TRAF2: variants seen among roughly 807,000 people sequenced by gnomAD.
The protein encoded by TRAF2 is TNF receptor-associated factor 2.
In TRAF2, 6 loss-of-function variants were observed where a neutral mutation model predicts 55.6. The ratio of observed to expected loss-of-function variants is 0.11; its 90% CI spans 0.06 to 0.21. TRAF2 has a LOEUF of 0.21. Ranked by LOEUF, TRAF2 falls within the 10% of genes least tolerant of loss-of-function variation. The probability of loss-of-function intolerance (pLI) is 1.00; values close to 1 mark genes in which losing one functional copy is unlikely to be tolerated. For synonymous variants in TRAF2, 329 were observed against 276.3 expected, an observed-to-expected ratio of 1.19 and a Z score of -1.89; for missense variants, 561 against 684.5, an observed-to-expected ratio of 0.82 and a Z score of 2.01.
chr9:136,908,451 G>A (rs1385497987), intron 5 of TRAF2, among the ~76,000 whole-genome samples: 6 of 152,382 alleles, frequency 3.9e-5, no homozygotes, highest in Middle Eastern at 3.4e-3. Flanking sequence ...AGCCGGGCAC[G>A]GCGGCTCACG....
intron 4 of TRAF2, chr9:136,902,336 G>C (rs1032699082): frequency 6.6e-6 from 1 of 152,578 alleles, no homozygotes. Context: ...TGGCTGCAGG[G>C]AGTAGGGGTG....
intron 4 of TRAF2, among the ~76,000 whole-genome samples, chr9:136,906,356 C>T (rs1849951867): frequency 6.6e-6 from 1 of 152,072 alleles, no homozygotes; most frequent in South Asian, 2.1e-4. Flanking sequence ...GTTCCATGTG[C>T]CTGGGGAGGC....
chr9:136,925,546 T>C, intron 10 of TRAF2, 137 bp from the exon 11 acceptor site: 1 of 856,170 alleles, frequency 1.2e-6, no homozygotes, highest in Non-Finnish European at 1.8e-6. Flanking sequence ...CACCACGTGG[T>C]CTCGGCTGGG....
intron 10 of TRAF2, among the ~76,000 whole-genome samples, chr9:136,924,906 T>G (rs1237436810): frequency 6.6e-6 from 1 of 152,008 alleles, no homozygotes; most frequent in African/African-American, 2.4e-5. Context: ...GCCCAGCTAA[T>G]TTTTGTATTT....
chr9:136,900,388 G>A lies in TRAF2; in HGVS notation c.268-34G>A, dbSNP rs1213081499. On this transcript the variant is annotated intron_variant, in intron 3 of 10. Transcript: ENST00000247668. ...CTTGGTTGCTGCAGGGAGTCTGGGA[G>A]GAGGTTTAACCCGAGGGATATTCCT... 2.0e-6 allele frequency: 3 copies of A among 1,488,458 alleles called. No individual in the cohort carries two copies. In the Admixed American group the frequency reaches 5.8e-5, roughly 29 times the overall value. 92.2% of individuals were successfully genotyped at this position (1,488,458 alleles called of 1,614,324 possible). A position where few individuals can be genotyped will look rare whatever the true frequency, so the allele number is the denominator to read the frequency against.
At chr9:136,905,254 T>C (rs1479472037) in intron 4 of TRAF2, among the ~76,000 whole-genome samples, 1 of 152,204 alleles carries the variant, frequency 6.6e-6, no homozygotes, top group Non-Finnish European at 1.5e-5. Context: ...TCTCAGCACA[T>C]TGTCCTCCTC....
chr9:136,898,836 C>T lies in TRAF2; in HGVS notation c.96C>T (p.Tyr32=), dbSNP rs144753635. 1.2e-6 allele frequency: 2 copies of T among 1,613,742 alleles called. No individual in the cohort carries two copies. Among genetic ancestry groups the T allele is most frequent in the Admixed American group, 1.7e-5 (1 of 60,022 alleles). The change falls in exon 2 of 11, where the codon TAC becomes TAT. Residue 32 remains tyrosine, a synonymous_variant. Coordinates refer to ENST00000247668, the MANE Select transcript of TRAF2 (RefSeq NM_021138.4). ...TLLGTKLEAK[Y]LCSACRNVLR... ...TGGGGACCAAGCTGGAAGCCAAGTA[C>T]CTGTGCTCCGCCTGCAGAAACGTCC...
chr9:136,883,671 C>G (rs1346875119), upstream of TRAF2, among the ~76,000 whole-genome samples: 1 of 151,990 alleles, frequency 6.6e-6, no homozygotes, highest in Non-Finnish European at 1.5e-5. Context: ...CATCTGCCAC[C>G]ATGCCCAGCT....
At chr9:136,924,148 G>C (rs1850465075) in intron 10 of TRAF2, 148 bp downstream of exon 10, 6 of 970,778 alleles carry the variant, frequency 6.2e-6, no homozygotes, top group Non-Finnish European at 4.5e-6. Context: ...CTGTGATGCT[G>C]TGTCACGCGG....
At chr9:136,899,386 T>C (rs1414054802) in intron 2 of TRAF2, among the ~76,000 whole-genome samples, 1 of 152,182 alleles carries the variant, frequency 6.6e-6, no homozygotes, top group Non-Finnish European at 1.5e-5. Flanking sequence ...CAGGCGTGCC[T>C]TCCTCACAAA....
chr9:136,922,328 C>T (rs1338987997), intron 9 of TRAF2: 1 of 152,456 alleles, frequency 6.6e-6, no homozygotes, highest in African/African-American at 2.4e-5. Context: ...GGCCCTGTTC[C>T]TCCAGGGCTG....
At chr9:136,924,803 G>A (rs1259391595) in intron 10 of TRAF2, among the ~76,000 whole-genome samples, 1 of 151,916 alleles carries the variant, frequency 6.6e-6, no homozygotes, top group African/African-American at 2.4e-5. Context: ...GCAGTGGCAT[G>A]ATCTCGGCTC....
intron 1 of TRAF2, among the ~76,000 whole-genome samples, chr9:136,898,249 C>G (rs1436362017): frequency 6.6e-6 from 1 of 152,230 alleles, no homozygotes; most frequent in Admixed American, 6.5e-5. Context: ...GCAGGCGTCT[C>G]CTGCCCAGTG....
upstream of TRAF2, among the ~76,000 whole-genome samples, chr9:136,885,052 G>T (rs2131265582): frequency 6.6e-6 from 1 of 152,358 alleles, no homozygotes; most frequent in African/African-American, 2.4e-5. Flanking sequence ...TGATGACGTT[G>T]ATGGAATCCG....
intron 4 of TRAF2, among the ~76,000 whole-genome samples, chr9:136,903,651 C>T (rs1239982357): frequency 6.6e-6 from 1 of 151,794 alleles, no homozygotes; most frequent in Non-Finnish European, 1.5e-5. Flanking sequence ...ATTTCAAGTA[C>T]CGAGTGCCAA....
In TRAF2 at chr9:136,920,346, C is replaced by G. The variant is rs201857326; in HGVS notation, c.791C>G (p.Ala264Gly). The G allele has an allele frequency of 5.0e-6, 8 of 1,614,074 alleles. No homozygotes were observed. Among genetic ancestry groups the G allele is most frequent in the Non-Finnish European group, 6.8e-6 (8 of 1,180,040 alleles). ...AKPLLGDQSH[A>G]GSELLQRCES... The stretch of plus-strand genomic sequence containing the variant: ...CCCCTCTTGGGAGACCAGAGCCACG[C>G]GGGGTCAGAGCTCCTGCAGAGGTGC... The change falls in exon 8 of 11, where the codon GCG becomes GGG. Residue 264 changes from alanine (A) to glycine (G), a missense_variant. Around this residue, in one of 2 missense-constraint regions of TRAF2, gnomAD observed 426 missense variants for 476.8 expected, o/e 0.89. Coordinates refer to ENST00000247668, the MANE Select transcript of TRAF2 (RefSeq NM_021138.4).
rs1483441765 is a variant in TRAF2 at position 136,926,111 on chromosome 9, G to A, written c.*210G>A. The A allele has an allele frequency of 1.3e-6, 1 of 760,044 alleles. No individual in the cohort carries two copies. Among genetic ancestry groups the A allele is most frequent in the Non-Finnish European group, 2.4e-6 (1 of 424,582 alleles). 47.1% of individuals were successfully genotyped at this position (760,044 alleles called of 1,614,324 possible). A position where few individuals can be genotyped will look rare whatever the true frequency, so the allele number is the denominator to read the frequency against. On this transcript the variant is annotated 3_prime_UTR_variant, in exon 11 of 11. Coordinates refer to ENST00000247668, the MANE Select transcript of TRAF2 (RefSeq NM_021138.4). ...ATTTCAGAGACTGCGGAGGGGCTTGGCAGACGGTCTTAGCCAAGGGCTGTG... is the reference window on the plus strand; with the variant it reads ...ATTTCAGAGACTGCGGAGGGGCTTGACAGACGGTCTTAGCCAAGGGCTGTG...
chr9:136,907,981 C>A, intron 4 of TRAF2, 89 bp from the exon 5 acceptor site: 6 of 1,500,012 alleles, frequency 4.0e-6, no homozygotes, highest in Non-Finnish European at 5.4e-6. Context: ...ACCAAGCCAG[C>A]GCTACATCGC....
intron 1 of TRAF2, among the ~76,000 whole-genome samples, chr9:136,895,779 G>A (rs1028229772): frequency 2.2e-4 from 33 of 151,816 alleles, no homozygotes; most frequent in Admixed American, 7.2e-4. Flanking sequence ...AACCCAGGAG[G>A]TGGAGGTTGC....
Sources: gnomAD v4.1 joint callset for allele counts (sites outside exome capture counted in the v4.1 genomes callset) on GRCh38, gnomAD v4.1.1 for gene constraint, gnomAD v4.1.1 regional missense constraint, MANE v1.5 for transcripts, NCBI Gene and HGNC (gene_info 2026-07-23, HGNC 2026-07-21) for gene names.